SOS1: variants seen among roughly 807,000 people sequenced by gnomAD.
SOS1 encodes SOS Ras/Rac guanine nucleotide exchange factor 1.
In SOS1, 25 loss-of-function variants were observed where a neutral mutation model predicts 157.6. The observed-to-expected ratio is 0.16, with a 90% confidence interval of 0.12 to 0.22. SOS1 has a LOEUF of 0.22. Among genes scored for constraint, SOS1 ranks in the 10% least tolerant of loss-of-function variants. The pLI is 1.00. For synonymous variants in SOS1, 528 were observed against 534.0 expected (o/e 0.99, Z 0.16); for missense variants, 1,237 against 1,599.1 (o/e 0.77, Z 3.86).
chr2:39,064,617 A>C lies in SOS1; in HGVS notation c.213+3011T>G, dbSNP rs139073390. ...CTGTAAATATGTATTCTTTGAACGA[A>C]TCTTCCCCAGTTCCCTTTCTCTCCA... On this transcript the variant is annotated intron_variant, in intron 2 of 22. Transcript: ENST00000402219. Among the ~76,000 whole-genome samples, 1,229 of 152,114 alleles carry C rather than the reference A, an allele frequency of 8.1e-3. 7 individuals carry two copies. Among genetic ancestry groups the C allele is most frequent in the Middle Eastern group, 0.014 (4 of 294 alleles).
intron 8 of SOS1, among the ~76,000 whole-genome samples, chr2:39,025,255 C>T (rs931027047): frequency 6.6e-6 from 1 of 152,130 alleles, no homozygotes; most frequent in African/African-American, 2.4e-5. Context: ...ATAGAGTTTT[C>T]ATCCAACAAT....
intron 15 of SOS1, 41 bp from the exon 16 acceptor site, chr2:39,007,234 T>C: frequency 7.7e-7 from 1 of 1,293,116 alleles, no homozygotes; most frequent in Non-Finnish European, 1.1e-6. Context: ...TTTAGAGTTT[T>C]TCCAATAAAG....
chr2:38,998,677 T>C (rs1425342056), intron 17 of SOS1, among the ~76,000 whole-genome samples: 2 of 152,242 alleles, frequency 1.3e-5, no homozygotes, highest in Admixed American at 6.5e-5. Context: ...GAGCTTAGAA[T>C]AGAGCCTGAC....
At chr2:39,011,117 G>T (rs112913488) in intron 14 of SOS1, among the ~76,000 whole-genome samples, 1 of 151,982 alleles carries the variant, frequency 6.6e-6, no homozygotes, top group Non-Finnish European at 1.5e-5. Flanking sequence ...GGCTGGTCTC[G>T]AACTCCTGAC....
intron 17 of SOS1, among the ~76,000 whole-genome samples, chr2:39,005,993 G>A (rs10192250): frequency 0.94 from 142,675 of 152,176 alleles, 67,006 homozygotes; most frequent in African/African-American, 0.97. Flanking sequence ...AATAGGAGAG[G>A]ATGAAGAGAA....
intron 6 of SOS1, among the ~76,000 whole-genome samples, chr2:39,043,109 T>C: frequency 6.6e-6 from 1 of 152,242 alleles, no homozygotes. Flanking sequence ...ACTATTATTA[T>C]ATCTCTTACA....
intron 1 of SOS1, among the ~76,000 whole-genome samples, chr2:39,107,940 T>C (rs1175534054): frequency 6.6e-6 from 1 of 152,142 alleles, no homozygotes; most frequent in East Asian, 1.9e-4. Flanking sequence ...AAACAGGCCT[T>C]CCACGCTTGG....
At chr2:39,055,458 CT>C (rs1558491682) in intron 4 of SOS1, among the ~76,000 whole-genome samples, 2 of 152,092 alleles carry the variant, frequency 1.3e-5, no homozygotes, top group African/African-American at 2.4e-5. Context: ...CATCTCCTCT[CT>C]GTGTAAACAT....
rs746798986 is a variant in SOS1, at chr2:39,022,802, T to C, written c.1626A>G (p.Ile542Met). 6 of 1,613,562 alleles carry C rather than the reference T, an allele frequency of 3.7e-6. No individual in the cohort carries two copies. The highest frequency in any genetic ancestry group is 5.1e-6 in the Non-Finnish European group (6 of 1,179,658). Residue 542 changes from isoleucine to methionine, a missense_variant, in exon 10 of 23, where the codon ATA (isoleucine) becomes ATG (methionine). Coordinates refer to ENST00000402219, the MANE Select transcript of SOS1 (RefSeq NM_005633.4). ...EEKNNWMAAL[I>M]SLQYRSTLER... is the part of the protein sequence containing the mutation. ...CCAGTGTACTCCGGTACTGTAAAGA[T>C]ATCAATGCTGCCATCCAATTGTTTT...
chr2:39,097,904 T>C (rs1672828159), intron 1 of SOS1, among the ~76,000 whole-genome samples: 1 of 152,246 alleles, frequency 6.6e-6, no homozygotes, highest in Admixed American at 6.5e-5. Context: ...GTTTAAGTGC[T>C]GAACATTATT....
At position 38,985,726 on chromosome 2, in the gene SOS1, A is replaced by T; in HGVS notation, c.*98T>A. The T allele has an allele frequency of 5.9e-4, 668 of 1,126,658 alleles. No individual in the cohort carries two copies. Among genetic ancestry groups the T allele is most frequent in the East Asian group, 8.7e-4 (33 of 37,720 alleles). The allele number at this position is 1,126,658 out of a possible 1,614,324, so 69.8% of individuals were successfully genotyped here. ...TTGAAGAAGAGTCGTTAGTGTTTGG[A>T]GTTCTCATTTTAACTCCTCAGTGCT... On this transcript the variant is annotated 3_prime_UTR_variant, in exon 23 of 23. Transcript: ENST00000402219.
At chr2:39,007,704 C>G (rs1669325303) in intron 15 of SOS1, among the ~76,000 whole-genome samples, 1 of 152,176 alleles carries the variant, frequency 6.6e-6, no homozygotes, top group Admixed American at 6.6e-5. Context: ...GCAAAAACTG[C>G]AATTACTTTT....
intron 8 of SOS1, among the ~76,000 whole-genome samples, chr2:39,024,654 C>CT (rs755339493): frequency 6.6e-6 from 1 of 151,984 alleles, no homozygotes; most frequent in Non-Finnish European, 1.5e-5. Context: ...TCTGTGTGAC[C>CT]TTGGGGCAAG....
At position 39,045,243 on chromosome 2, in the gene SOS1, G is replaced by GGAGAGAGAGA. The variant is rs1308718638; in HGVS notation, c.864+5891_864+5900dup. On this transcript the variant is annotated intron_variant, in intron 6 of 22. Transcript: ENST00000402219. ...GAGTGTGAGGGAATGAGAGAGAGAGGGAGAGAGAGAGAGAGAGAGAGAGAG... is the reference window on the plus strand; with the variant it reads ...GAGTGTGAGGGAATGAGAGAGAGAGGGAGAGAGAGAGAGAGAGAGAGAGAGAGAGAGAGAG... 1.9e-4 allele frequency among the ~76,000 whole-genome samples: 16 copies of GGAGAGAGAGA among 83,348 alleles called. No individual in the cohort carries two copies. The South Asian group carries it at 2.0e-3, about 11-fold the overall frequency. 54.7% of individuals were successfully genotyped at this position (83,348 alleles called of 152,430 possible).
intron 9 of SOS1, 103 bp from the exon 10 acceptor site, chr2:39,023,328 A>G: frequency 1.2e-6 from 1 of 807,442 alleles, no homozygotes. Flanking sequence ...AGTCTCACTG[A>G]GAAGGTATTC....
chr2:39,091,945 A>G (rs771834980), intron 1 of SOS1, among the ~76,000 whole-genome samples: 2 of 152,186 alleles, frequency 1.3e-5, no homozygotes, highest in African/African-American at 2.4e-5. Context: ...CTACACTACT[A>G]GTTCATACTG....
chr2:39,100,281 T>C (rs1572892110), intron 1 of SOS1, among the ~76,000 whole-genome samples: 1 of 152,102 alleles, frequency 6.6e-6, no homozygotes, highest in African/African-American at 2.4e-5. Flanking sequence ...AACTTAAAAA[T>C]AGAACTACCA....
Position 39,054,851 on chromosome 2 carries a change from TAATAA to T in SOS1, c.511-33_511-29del, listed in dbSNP as rs760374956. The T allele has an allele frequency of 3.6e-6, 4 of 1,103,226 alleles. No individual in the cohort carries two copies. In the East Asian group the frequency reaches 9.4e-5, roughly 26 times the overall value. 68.3% of individuals were successfully genotyped at this position (1,103,226 alleles called of 1,614,324 possible). ...ATACAGTCAGAGATATAAAAAAGTA[TAATAA>T]AATATGAAGCTTTCGTAGAATTTGA... On this transcript the variant is annotated intron_variant, in intron 4 of 22. Transcript: ENST00000402219.
intron 22 of SOS1, among the ~76,000 whole-genome samples, 157 bp from the exon 23 acceptor site, chr2:38,986,472 A>AT (rs958314779): frequency 4.6e-4 from 68 of 149,054 alleles, no homozygotes; most frequent in African/African-American, 9.8e-4. Flanking sequence ...TTAAAAAAAA[A>AT]TTTTTTTTTT....
Sources: allele counts gnomAD v4.1 joint callset (sites outside exome capture counted in the v4.1 genomes callset), GRCh38; gene constraint gnomAD v4.1.1; transcripts MANE v1.5; gene names NCBI Gene and HGNC (gene_info 2026-07-23, HGNC 2026-07-21).